Variants in FAT4 observed in about 807,000 individuals in gnomAD.
FAT4 encodes protocadherin Fat 4.
In FAT4, 84 loss-of-function variants were observed where a neutral mutation model predicts 303.9. That is an observed-to-expected ratio of 0.28 (90% CI 0.23 to 0.33). The LOEUF is 0.33. Among genes scored for constraint, FAT4 ranks in the 10% least tolerant of loss-of-function variants. The pLI is 1.00. For synonymous variants in FAT4, 2,307 were observed against 2,298.8 expected (o/e 1.00, Z -0.10); for missense variants, 6,005 against 6,146.8 (o/e 0.98, Z 0.77).
chr4:125,481,459 A>G, intron 15 of FAT4, 62 bp from the exon 16 acceptor site: 1 of 1,460,082 alleles, frequency 6.8e-7, no homozygotes. Context: ...GTCACTATAG[A>G]AAACACTCCA....
At chr4:125,375,911 C>T (rs1191637586) in intron 2 of FAT4, among the ~76,000 whole-genome samples, 1 of 151,938 alleles carries the variant, frequency 6.6e-6, no homozygotes, top group Non-Finnish European at 1.5e-5. Flanking sequence ...ATTTTTTTTG[C>T]ATTTGGGAAC....
rs1725970927 is a variant in FAT4 at position 125,449,622 on chromosome 4, C to T, written c.8612C>T (p.Ala2871Val). The change falls in exon 10 of 18, where the codon GCT becomes GTT. Residue 2871 changes from alanine (A) to valine (V), a missense_variant. Transcript: ENST00000394329. Reference protein sequence around the residue: ...TIFVTDINDNAPRFSRTSYYL... With the variant: ...TIFVTDINDNVPRFSRTSYYL... ...TTTGTGACAGACATCAATGACAATG[C>T]TCCAAGATTTAGCAGAACTTCCTAT... The T allele has an allele frequency of 6.2e-7, 1 of 1,613,864 alleles. No homozygotes were observed. Among genetic ancestry groups the T allele is most frequent in the Non-Finnish European group, 8.5e-7 (1 of 1,179,906 alleles).
chr4:125,474,318 T>C (rs927036437), intron 12 of FAT4, among the ~76,000 whole-genome samples: 1 of 152,008 alleles, frequency 6.6e-6, no homozygotes, highest in African/African-American at 2.4e-5. Context: ...GCATAATATA[T>C]GTGGAGAGAT....
intron 2 of FAT4, among the ~76,000 whole-genome samples, chr4:125,343,241 G>A (rs771396251): frequency 6.6e-6 from 1 of 152,028 alleles, no homozygotes; most frequent in Non-Finnish European, 1.5e-5. Flanking sequence ...CTTCAGACAG[G>A]GCGGATGATA....
chr4:125,414,947 A>G lies in FAT4; in HGVS notation c.5984A>G (p.Asp1995Gly), dbSNP rs775634091. 1.2e-6 allele frequency: 2 copies of G among 1,613,714 alleles called. No individual in the cohort carries two copies. Among genetic ancestry groups the G allele is most frequent in the Non-Finnish European group, 1.7e-6 (2 of 1,179,680 alleles). ...SGDSLGQFTV[D>G]KNGVLKVLKA... ...GATAGCCTTGGGCAGTTTACTGTTGACAAGAATGGTGTACTCAAAGTCCTA... is the reference window on the plus strand; with the variant it reads ...GATAGCCTTGGGCAGTTTACTGTTGGCAAGAATGGTGTACTCAAAGTCCTA... Residue 1995 changes from aspartate (D) to glycine (G), a missense_variant, in exon 6 of 18, where the codon GAC (aspartate) becomes GGC (glycine). Transcript: ENST00000394329.
intron 2 of FAT4, among the ~76,000 whole-genome samples, chr4:125,335,932 A>C (rs2125962778): frequency 6.6e-6 from 1 of 152,180 alleles, no homozygotes; most frequent in African/African-American, 2.4e-5. Flanking sequence ...TATTTTCCTA[A>C]AAGACTGTTT....
intron 12 of FAT4, among the ~76,000 whole-genome samples, chr4:125,472,276 A>G (rs1308301533): frequency 2.0e-5 from 3 of 152,194 alleles, no homozygotes; most frequent in African/African-American, 7.2e-5. Context: ...TCTTTAAAAT[A>G]TATGACAACT....
At chr4:125,411,414 A>C (rs1169883583) in intron 5 of FAT4, among the ~76,000 whole-genome samples, 1 of 151,982 alleles carries the variant, frequency 6.6e-6, no homozygotes, top group African/African-American at 2.4e-5. Flanking sequence ...CACTTTAAAT[A>C]TTGGGAAGTC....
At chr4:125,359,980 A>C (rs563161937) in intron 2 of FAT4, among the ~76,000 whole-genome samples, 1 of 152,232 alleles carries the variant, frequency 6.6e-6, no homozygotes, top group South Asian at 2.1e-4. Context: ...CCACTCGCCC[A>C]AATTCCCTAG....
In FAT4 at chr4:125,319,321, C is replaced by T. The variant is rs780070056; in HGVS notation, c.2910C>T (p.Asp970=). The change falls in exon 2 of 18, where the codon GAC becomes GAT. Residue 970 remains aspartate (D), a synonymous_variant. Coordinates refer to ENST00000394329, the MANE Select transcript of FAT4 (RefSeq NM_001291303.3). ...GSYQIEILAS[D]MGVPQLSSSV... ...ACCAAATAGAGATCTTGGCATCTGA[C>T]ATGGGTGTCCCACAGCTCTCCTCTA... 2.0e-5 allele frequency: 32 copies of T among 1,613,990 alleles called. No individual in the cohort carries two copies. Among genetic ancestry groups the T allele is most frequent in the Non-Finnish European group, 2.6e-5 (31 of 1,179,944 alleles).
chr4:125,416,851 C>T (rs561005519), intron 7 of FAT4, among the ~76,000 whole-genome samples: 252 of 152,118 alleles, frequency 1.7e-3, no homozygotes, highest in African/African-American at 6.0e-3. Flanking sequence ...AAGGCTGAGG[C>T]AGGAGAATCG....
chr4:125,421,635 T>TATACTCAG (rs1159546839), intron 7 of FAT4, among the ~76,000 whole-genome samples: 1 of 152,192 alleles, frequency 6.6e-6, no homozygotes, highest in African/African-American at 2.4e-5. Context: ...ATGCTACAGT[T>TATACTCAG]ATACTCAGAG....
chr4:125,488,465 A>C (rs1015466673), intron 17 of FAT4, among the ~76,000 whole-genome samples: 2 of 152,212 alleles, frequency 1.3e-5, no homozygotes, highest in African/African-American at 4.8e-5. Flanking sequence ...GATCTGGGCA[A>C]GATGTCTTCT....
chr4:125,328,671 A>G (rs1731256400), intron 2 of FAT4, among the ~76,000 whole-genome samples: 1 of 152,212 alleles, frequency 6.6e-6, no homozygotes. Context: ...TGTTATTGTT[A>G]GACACTGGTA....
At chr4:125,340,358 G>A (rs1731735327) in intron 2 of FAT4, among the ~76,000 whole-genome samples, 1 of 151,164 alleles carries the variant, frequency 6.6e-6, no homozygotes. Flanking sequence ...TGATGCAAAT[G>A]TCTCGTAGAG....
intron 2 of FAT4, among the ~76,000 whole-genome samples, chr4:125,368,660 G>A (rs1270947706): frequency 4.6e-5 from 7 of 150,942 alleles, no homozygotes; most frequent in Admixed American, 1.3e-4. Flanking sequence ...AAAAAATACC[G>A]CATACACACA....
At chr4:125,385,966 G>C (rs1733735273) in intron 2 of FAT4, among the ~76,000 whole-genome samples, 1 of 151,972 alleles carries the variant, frequency 6.6e-6, no homozygotes, top group South Asian at 2.1e-4. Context: ...TTTATTTTGT[G>C]ATTTATTTCT....
At position 125,491,554 on chromosome 4, in the gene FAT4, G is replaced by A. The variant is rs765666547; in HGVS notation, c.14738G>A (p.Gly4913Asp). 4.6e-5 allele frequency: 74 copies of A among 1,614,064 alleles called. No individual in the cohort carries two copies. Among genetic ancestry groups the A allele is most frequent in the Non-Finnish European group, 1.0e-5 (12 of 1,180,036 alleles). The change falls in exon 18 of 18, where the codon GGC (glycine) becomes GAC (aspartate). Residue 4913 changes from glycine (G) to aspartate (D), a missense_variant. Coordinates refer to ENST00000394329, the MANE Select transcript of FAT4 (RefSeq NM_001291303.3). ...GTGGGCACCCAGGCAGCAGCACCAGGCACTGCTGACAACACACTGCCCATG... is the reference window on the plus strand; with the variant it reads ...GTGGGCACCCAGGCAGCAGCACCAGACACTGCTGACAACACACTGCCCATG... ...GPVGTQAAAPGTADNTLPMKL... is the reference protein window; with the variant it reads ...GPVGTQAAAPDTADNTLPMKL...
chr4:125,451,643 C>G lies in FAT4; in HGVS notation c.10633C>G (p.Pro3545Ala). 1 of 1,614,136 alleles carries G rather than the reference C, an allele frequency of 6.2e-7. No individual in the cohort carries two copies. The highest frequency in any genetic ancestry group is 1.6e-4 in the Middle Eastern group (1 of 6,062). The change falls in exon 10 of 18, where the codon CCC (proline) becomes GCC (alanine). Residue 3545 changes from proline (P) to alanine (A), a missense_variant. Physicochemically the swap from Pro to Ala is conservative, Grantham distance 27 (BLOSUM62 -1). Coordinates refer to ENST00000394329, the MANE Select transcript of FAT4 (RefSeq NM_001291303.3). Reference protein sequence around the residue: ...TDPDLPPNQGPFTYYLLSTGP... With the variant: ...TDPDLPPNQGAFTYYLLSTGP... ...CCCTGATCTCCCTCCAAATCAAGGTCCCTTTACTTATTACTTGCTGAGCAC... is the reference window on the plus strand; with the variant it reads ...CCCTGATCTCCCTCCAAATCAAGGTGCCTTTACTTATTACTTGCTGAGCAC...
Sources: allele counts gnomAD v4.1 joint callset (sites outside exome capture counted in the v4.1 genomes callset), GRCh38; gene constraint gnomAD v4.1.1; transcripts MANE v1.5; gene names NCBI Gene and HGNC (gene_info 2026-07-23, HGNC 2026-07-21).